Variants in TATDN3 observed in about 807,000 individuals in gnomAD.
The protein encoded by TATDN3 is deoxyribonuclease TATDN3.
TATDN3 carries 29 observed loss-of-function variants against 40.1 expected under a neutral mutation model. That is an observed-to-expected ratio of 0.72 (90% CI 0.54 to 0.99). The LOEUF is 0.99. Ranked by LOEUF, TATDN3 falls within the 50% of genes least tolerant of loss-of-function variation. The pLI is 0.00. For synonymous variants in TATDN3, 105 were observed against 117.0 expected, an observed-to-expected ratio of 0.90 and a Z score of 0.66; for missense variants, 309 against 321.9, an observed-to-expected ratio of 0.96 and a Z score of 0.31.
intron 7 of TATDN3, among the ~76,000 whole-genome samples, chr1:212,806,913 C>CATATATACATATGT (rs1662571442): frequency 9.1e-6 from 1 of 109,480 alleles, no homozygotes; most frequent in Non-Finnish European, 1.8e-5. Flanking sequence ...TGTATATACA[C>CATATATACATATGT]ATATATACAT....
At chr1:212,801,571 G>C (rs1276960895) in intron 4 of TATDN3, among the ~76,000 whole-genome samples, 2 of 152,068 alleles carry the variant, frequency 1.3e-5, no homozygotes, top group East Asian at 1.9e-4. Flanking sequence ...TGTAATTTCT[G>C]TGACTCAGGC....
At chr1:212,808,411 C>T (rs897928766) in intron 8 of TATDN3, among the ~76,000 whole-genome samples, 9 of 151,194 alleles carry the variant, frequency 6.0e-5, no homozygotes, top group African/African-American at 1.7e-4. Context: ...TCATTAAAAT[C>T]GTAAGCAACC....
chr1:212,796,197 C>T (rs1203449520), intron 2 of TATDN3, among the ~76,000 whole-genome samples: 3 of 152,150 alleles, frequency 2.0e-5, no homozygotes, highest in African/African-American at 7.2e-5. Context: ...ACTGTGGCAG[C>T]TTAATTAGGA....
intron 2 of TATDN3, among the ~76,000 whole-genome samples, chr1:212,795,352 C>G: frequency 6.6e-6 from 1 of 151,868 alleles, no homozygotes. Context: ...CTCACTGCAA[C>G]CTCTGCCTCC....
chr1:212,806,995 G>C (rs1208322337), intron 7 of TATDN3, among the ~76,000 whole-genome samples: 3 of 149,890 alleles, frequency 2.0e-5, no homozygotes, highest in Non-Finnish European at 4.4e-5. Flanking sequence ...CCAGGCTGGA[G>C]TACAGTGGCA....
chr1:212,795,539 G>C (rs1298674130), intron 2 of TATDN3, among the ~76,000 whole-genome samples: 1 of 152,062 alleles, frequency 6.6e-6, no homozygotes. Context: ...CCAAAGTGCT[G>C]AGATTGCAGG....
chr1:212,813,272 A>G (rs1228688629), intron 9 of TATDN3, among the ~76,000 whole-genome samples: 1 of 152,100 alleles, frequency 6.6e-6, no homozygotes, highest in African/African-American at 2.4e-5. Context: ...TCATATTGCT[A>G]CTATTTTAAA....
chr1:212,799,539 C>CT lies in TATDN3; in HGVS notation c.258+2359dup, dbSNP rs1181062032. Among the ~76,000 whole-genome samples, 1,294 of 138,246 alleles carry CT rather than the reference C, an allele frequency of 9.4e-3. 8 individuals carry two copies. Among genetic ancestry groups the CT allele is most frequent in the African/African-American group, 0.024 (927 of 37,900 alleles). The allele number at this position is 138,246 out of a possible 152,430, so 90.7% of individuals were successfully genotyped here. ...TATGCCAACAGTATGATAGGTACTT[C>CT]TTTTTTTTTTTTTTTTGAGATAGAA... On this transcript the variant is annotated intron_variant, in intron 4 of 9. Coordinates refer to ENST00000366974, the MANE Select transcript of TATDN3 (RefSeq NM_001042552.3).
chr1:212,795,192 G>T lies in TATDN3; in HGVS notation c.99+65G>T, dbSNP rs1196587560. 3.6e-5 allele frequency: 45 copies of T among 1,266,844 alleles called. No individual in the cohort carries two copies. In the South Asian group the frequency reaches 5.1e-4, roughly 14 times the overall value. 78.5% of individuals were successfully genotyped at this position (1,266,844 alleles called of 1,614,324 possible). A position where few individuals can be genotyped will look rare whatever the true frequency, so the allele number is the denominator to read the frequency against. On this transcript the variant is annotated intron_variant, in intron 2 of 9. Coordinates refer to ENST00000366974, the MANE Select transcript of TATDN3 (RefSeq NM_001042552.3). Reference sequence around the variant, plus strand: ...TTAACTATCATTTCAAGCCAAAACAGCTTGAAATTTAGATATACTACCTTG... The same window carrying T: ...TTAACTATCATTTCAAGCCAAAACATCTTGAAATTTAGATATACTACCTTG...
chr1:212,799,572 CTG>C (rs1353077478), intron 4 of TATDN3, among the ~76,000 whole-genome samples: 1 of 149,566 alleles, frequency 6.7e-6, no homozygotes, highest in Admixed American at 6.7e-5. Context: ...GAATCTTGCT[CTG>C]TCACCCAGGC....
Position 212,792,632 on chromosome 1 carries a change from C to CAAAAAA in TATDN3, c.66+661_66+666dup, listed in dbSNP as rs752952752. On this transcript the variant is annotated intron_variant, in intron 1 of 9. Coordinates refer to ENST00000366974, the MANE Select transcript of TATDN3 (RefSeq NM_001042552.3). ...CCTGGGTAACAGTGAGACCCTGTCTCAAAAAAAAAAAAAAAAAAAAATTCA... is the reference window on the plus strand; with the variant it reads ...CCTGGGTAACAGTGAGACCCTGTCTCAAAAAAAAAAAAAAAAAAAAAAAAAAATTCA... Among the ~76,000 whole-genome samples, 669 of 75,040 alleles carry CAAAAAA rather than the reference C, an allele frequency of 8.9e-3. 18 individuals carry two copies. The highest frequency in any genetic ancestry group is 0.043 in the African/African-American group (640 of 14,928). 49.2% of individuals were successfully genotyped at this position (75,040 alleles called of 152,430 possible).
chr1:212,806,638 C>T (rs1034749820), intron 7 of TATDN3, among the ~76,000 whole-genome samples: 2 of 149,484 alleles, frequency 1.3e-5, no homozygotes, highest in Non-Finnish European at 3.0e-5. Context: ...ATCTCAGCAT[C>T]CCAGAGTGCT....
At chr1:212,813,067 A>G (rs146307441) in intron 9 of TATDN3, among the ~76,000 whole-genome samples, 1 of 152,304 alleles carries the variant, frequency 6.6e-6, no homozygotes, top group East Asian at 1.9e-4. Flanking sequence ...GAACGTAACT[A>G]GCAGTATCTG....
At chr1:212,804,949 C>T (rs966211403) in intron 7 of TATDN3, among the ~76,000 whole-genome samples, 2 of 152,190 alleles carry the variant, frequency 1.3e-5, no homozygotes, top group African/African-American at 2.4e-5. Flanking sequence ...ATTAGCAGCT[C>T]CAGTTTCTTT....
intron 7 of TATDN3, among the ~76,000 whole-genome samples, chr1:212,806,929 T>TATACAC (rs1662574468): frequency 6.9e-6 from 1 of 145,804 alleles, no homozygotes; most frequent in African/African-American, 2.5e-5. Flanking sequence ...TACATATATA[T>TATACAC]ATATTTATTT....
At chr1:212,792,632 CA>C (rs752952752) in intron 1 of TATDN3, among the ~76,000 whole-genome samples, 9,503 of 75,042 alleles carry the variant, frequency 0.13, 338 homozygotes, top group Middle Eastern at 0.17. Context: ...GACCCTGTCT[CA>C]AAAAAAAAAA....
chr1:212,809,885 G>T (rs1006159631), intron 8 of TATDN3, among the ~76,000 whole-genome samples: 4 of 151,724 alleles, frequency 2.6e-5, no homozygotes, highest in African/African-American at 9.7e-5. Context: ...TTAGCTGGGT[G>T]TGGTGGCGCA....
chr1:212,799,344 G>A (rs1408931535), intron 4 of TATDN3, among the ~76,000 whole-genome samples: 1 of 152,142 alleles, frequency 6.6e-6, no homozygotes, highest in Non-Finnish European at 1.5e-5. Context: ...GGTATGAAGA[G>A]TGAGTTTTGA....
intron 7 of TATDN3, among the ~76,000 whole-genome samples, chr1:212,807,241 G>A (rs917483249): frequency 1.3e-5 from 2 of 151,606 alleles, no homozygotes; most frequent in Non-Finnish European, 2.9e-5. Context: ...CACTGCGCCC[G>A]GACTATATGT....
Sources: gnomAD v4.1 joint callset for allele counts (sites outside exome capture counted in the v4.1 genomes callset) on GRCh38, gnomAD v4.1.1 for gene constraint, MANE v1.5 for transcripts, NCBI Gene and HGNC (gene_info 2026-07-23, HGNC 2026-07-21) for gene names.